The following KCNK3 variants were observed in gnomAD, a reference collection of about 807,000 sequenced individuals.
The protein encoded by KCNK3 is potassium two pore domain channel subfamily K member 3, also known as potassium channel subfamily K member 3.
In KCNK3, 9 loss-of-function variants were observed where a neutral mutation model predicts 27.3. The observed-to-expected ratio is 0.33, with a 90% CI of 0.20 to 0.57. The LOEUF (loss-of-function observed/expected upper bound fraction) is 0.57, where lower values mean the gene tolerates loss of function less well. KCNK3 is among the 20% of genes least tolerant of loss of function. The pLI, the probability that KCNK3 is intolerant of heterozygous loss-of-function variation, is 0.87. For synonymous variants in KCNK3, 278 were observed against 273.8 expected (o/e 1.02, Z -0.15); for missense variants, 391 against 577.7 (o/e 0.68, Z 3.31).
rs1357697964 is a variant in KCNK3, at chr2:26,732,447, G to T, written c.*3879G>T. 1 of 152,200 alleles carries T rather than the reference G, an allele frequency of 6.6e-6. No individual in the cohort carries two copies. The highest frequency in any genetic ancestry group is 1.5e-5 in the Non-Finnish European group (1 of 68,032). 9.4% of individuals were successfully genotyped at this position (152,200 alleles called of 1,614,324 possible). On this transcript the variant is annotated 3_prime_UTR_variant, in exon 2 of 2. Coordinates refer to ENST00000302909, the MANE Select transcript of KCNK3 (RefSeq NM_002246.3). ...GTGGGAGTAGGGACACTTTCTCCCA[G>T]TGCCCACACCGCCCCTCGTTACCCG...
At chr2:26,727,570 TG>T in intron 1 of KCNK3, 96 bp from the exon 2 acceptor site, 1 of 1,481,084 alleles carries the variant, frequency 6.8e-7, no homozygotes, top group Non-Finnish European at 9.0e-7. Flanking sequence ...ACCCACAAGG[TG>T]GGGGAGGTGG....
intron 1 of KCNK3, among the ~76,000 whole-genome samples, chr2:26,694,483 C>T (rs144059538): frequency 1.3e-5 from 2 of 152,278 alleles, no homozygotes; most frequent in East Asian, 3.9e-4. Context: ...GCGGTCTATC[C>T]ACTGCAGGAC....
At chr2:26,718,805 A>G (rs1200277916) in intron 1 of KCNK3, among the ~76,000 whole-genome samples, 1 of 151,922 alleles carries the variant, frequency 6.6e-6, no homozygotes, top group Non-Finnish European at 1.5e-5. Context: ...GATGGGTCTC[A>G]CTGTGTTGCC....
chr2:26,720,510 T>G (rs1434308767), intron 1 of KCNK3, among the ~76,000 whole-genome samples: 1 of 152,134 alleles, frequency 6.6e-6, no homozygotes, highest in Non-Finnish European at 1.5e-5. Flanking sequence ...ACCAGCACCC[T>G]CCCTCTGAGC....
chr2:26,705,772 A>G lies in KCNK3; in HGVS notation c.283+12614A>G, dbSNP rs188137020. 2.0e-5 allele frequency among the ~76,000 whole-genome samples: 3 copies of G among 152,148 alleles called. No homozygotes were observed. In the East Asian group the frequency reaches 5.8e-4, roughly 30 times the overall value. On this transcript the variant is annotated intron_variant, in intron 1 of 1. Coordinates refer to ENST00000302909, the MANE Select transcript of KCNK3 (RefSeq NM_002246.3). Reference sequence around the variant, plus strand: ...AACAGGATGGGAATCTGAGACCAGAATGGGGACAGAGTGACGGTTCTTAAG... The same window carrying G: ...AACAGGATGGGAATCTGAGACCAGAGTGGGGACAGAGTGACGGTTCTTAAG...
chr2:26,701,989 C>T (rs1348096386), intron 1 of KCNK3, among the ~76,000 whole-genome samples: 1 of 152,208 alleles, frequency 6.6e-6, no homozygotes, highest in Admixed American at 6.5e-5. Flanking sequence ...CAGGGATACA[C>T]ATTCAGGTTT....
Position 26,718,092 on chromosome 2 carries a change from C to G in KCNK3, c.284-9575C>G, listed in dbSNP as rs1663264138. 2.0e-5 allele frequency among the ~76,000 whole-genome samples: 3 copies of G among 152,136 alleles called. No individual in the cohort carries two copies. The South Asian group carries it at 6.2e-4, about 32-fold the overall frequency. On this transcript the variant is annotated intron_variant, in intron 1 of 1. Coordinates refer to ENST00000302909, the MANE Select transcript of KCNK3 (RefSeq NM_002246.3). Reference sequence around the variant, plus strand: ...CTCGGCCCCTCGCCCCTACCTCCTCCTCTCATCCCGAACTCTTGGATCCTC... The same window carrying G: ...CTCGGCCCCTCGCCCCTACCTCCTCGTCTCATCCCGAACTCTTGGATCCTC...
At chr2:26,727,055 C>T (rs898635356) in intron 1 of KCNK3, among the ~76,000 whole-genome samples, 1 of 152,172 alleles carries the variant, frequency 6.6e-6, no homozygotes, top group African/African-American at 2.4e-5. Context: ...GACTGAAGGG[C>T]CCTTGTTGCC....
In KCNK3 at chr2:26,725,659, C is replaced by T. The variant is rs535672203; in HGVS notation, c.284-2008C>T. On this transcript the variant is annotated intron_variant, in intron 1 of 1. Transcript: ENST00000302909. ...TGTTCTCACCCTACTGGAGCACAGA[C>T]GTCCTAAGCACAGTGGCTCTACAGC... 6.6e-5 allele frequency among the ~76,000 whole-genome samples: 10 copies of T among 152,334 alleles called. No homozygotes were observed. In the South Asian group the frequency reaches 1.9e-3, roughly 28 times the overall value.
chr2:26,692,942 G>T lies in KCNK3; in HGVS notation c.67G>T (p.Ala23Ser). 1 of 1,548,890 alleles carries T rather than the reference G, an allele frequency of 6.5e-7. No individual in the cohort carries two copies. Residue 23 changes from alanine (A) to serine (S), a missense_variant, in exon 1 of 2, where the codon GCC becomes TCC. Around this residue, in one of 4 missense-constraint regions of KCNK3, gnomAD observed 158 missense variants for 267.7 expected, o/e 0.59. Coordinates refer to ENST00000302909, the MANE Select transcript of KCNK3 (RefSeq NM_002246.3). This position sits in a 1 kb window ranked among gnomAD's most constrained non-coding sequence, Gnocchi z 5.6. ...VCTFTYLLVG[A>S]AVFDALESEP... ...CACCTTCACCTACCTGCTGGTGGGC[G>T]CCGCGGTCTTCGACGCGCTGGAGTC...
intron 1 of KCNK3, among the ~76,000 whole-genome samples, chr2:26,710,964 T>C (rs1663100634): frequency 1.3e-5 from 2 of 152,208 alleles, no homozygotes; most frequent in South Asian, 4.1e-4. Flanking sequence ...CCGGCTGCCC[T>C]TCCCAGGTGC....
Position 26,728,606 on chromosome 2 carries a change from G to A in KCNK3, c.*38G>A, listed in dbSNP as rs1663478257. The A allele has an allele frequency of 1.4e-6, 2 of 1,407,556 alleles. No individual in the cohort carries two copies. The highest frequency in any genetic ancestry group is 1.8e-6 in the Non-Finnish European group (2 of 1,081,252). The allele number at this position is 1,407,556 out of a possible 1,614,324, so 87.2% of individuals were successfully genotyped here. On this transcript the variant is annotated 3_prime_UTR_variant, in exon 2 of 2. Coordinates refer to ENST00000302909, the MANE Select transcript of KCNK3 (RefSeq NM_002246.3). ...GCCTGGAGCACCTGGGGGCGCGGGC[G>A]GGGGACCCCTGCTGGGAGGCCAGGA...
intron 1 of KCNK3, among the ~76,000 whole-genome samples, chr2:26,697,332 C>CA (rs1233944708): frequency 2.0e-5 from 3 of 152,206 alleles, no homozygotes; most frequent in African/African-American, 7.2e-5. Flanking sequence ...TGGCAAAACC[C>CA]AGTCTCTACT....
At chr2:26,724,181 C>G (rs958888374) in intron 1 of KCNK3, among the ~76,000 whole-genome samples, 15 of 152,358 alleles carry the variant, frequency 9.8e-5, no homozygotes, top group Non-Finnish European at 2.2e-4. Context: ...GGTCCTCACA[C>G]TCCCTTGCCC....
At position 26,717,507 on chromosome 2, in the gene KCNK3, G is replaced by A. The variant is rs750199082; in HGVS notation, c.284-10160G>A. 2.0e-5 allele frequency among the ~76,000 whole-genome samples: 3 copies of A among 152,222 alleles called. No individual in the cohort carries two copies. The South Asian group carries it at 6.2e-4, about 32-fold the overall frequency. On this transcript the variant is annotated intron_variant, in intron 1 of 1. Coordinates refer to ENST00000302909, the MANE Select transcript of KCNK3 (RefSeq NM_002246.3). ...GAAAACTGGCACCTCAGCCATCCGC[G>A]AAGAGGGCCAAGTCCACTTTAAATT... is the stretch of plus-strand genomic sequence containing the variant.
At chr2:26,720,624 G>C (rs1032208306) in intron 1 of KCNK3, among the ~76,000 whole-genome samples, 7 of 152,174 alleles carry the variant, frequency 4.6e-5, no homozygotes, top group African/African-American at 1.7e-4. Flanking sequence ...CCTGTGGATG[G>C]GAGGCAGCTC....
rs1169421870 is a variant in KCNK3 at position 26,721,739 on chromosome 2, C to T, written c.284-5928C>T. Among the ~76,000 whole-genome samples, 1 of 152,242 alleles carries T rather than the reference C, an allele frequency of 6.6e-6. No individual in the cohort carries two copies. The highest frequency in any genetic ancestry group is 2.4e-5 in the African/African-American group (1 of 41,466). ...CTCTGGCTGCCACACCAGGCCCAAG[C>T]CACACTGAGGTCACTTCGGCATCAG... On this transcript the variant is annotated intron_variant, in intron 1 of 1. Coordinates refer to ENST00000302909, the MANE Select transcript of KCNK3 (RefSeq NM_002246.3). The surrounding 1 kb of genome is among the most constrained non-coding windows in gnomAD (Gnocchi z 4.3).
chr2:26,707,810 GGATGA>G (rs943378457), intron 1 of KCNK3, among the ~76,000 whole-genome samples: 23 of 152,176 alleles, frequency 1.5e-4, no homozygotes, highest in Admixed American at 1.5e-3. Context: ...CCAGATGAGG[GGATGA>G]GACCCAAGGC....
rs1670201836 is a variant in KCNK3, at chr2:26,693,870, A to T, written c.283+712A>T. Among the ~76,000 whole-genome samples, 1 of 152,138 alleles carries T rather than the reference A, an allele frequency of 6.6e-6. No homozygotes were observed. The highest frequency in any genetic ancestry group is 2.1e-4 in the South Asian group (1 of 4,826). ...AGGGCAGATCACCATGTAGGAGGCC[A>T]CACGTACACCCAGACTGTCAGACAA... On this transcript the variant is annotated intron_variant, in intron 1 of 1. Coordinates refer to ENST00000302909, the MANE Select transcript of KCNK3 (RefSeq NM_002246.3). This position sits in a 1 kb window ranked among gnomAD's most constrained non-coding sequence, Gnocchi z 5.5.
Sources: gnomAD v4.1 joint callset for allele counts (sites outside exome capture counted in the v4.1 genomes callset) on GRCh38, gnomAD v4.1.1 for gene constraint, gnomAD v4.1.1 regional missense constraint, Gnocchi (gnomAD v3.1) non-coding constraint, MANE v1.5 for transcripts, NCBI Gene and HGNC (gene_info 2026-07-23, HGNC 2026-07-21) for gene names.